The following PCMT1 variants were observed in gnomAD, a reference collection of about 807,000 sequenced individuals.
The protein encoded by PCMT1 is protein-L-isoaspartate(D-aspartate) O-methyltransferase.
A neutral mutation model predicts 29.2 loss-of-function variants in PCMT1; 9 were observed. The observed-to-expected ratio is 0.31, with a 90% CI of 0.19 to 0.54. The LOEUF (loss-of-function observed/expected upper bound fraction) is 0.54, where lower values mean the gene tolerates loss of function less well. Ranked by LOEUF, PCMT1 falls within the 20% of genes least tolerant of loss-of-function variation. The pLI, the probability that PCMT1 is intolerant of heterozygous loss-of-function variation, is 0.95. For synonymous variants in PCMT1, 98 were observed against 97.5 expected, an observed-to-expected ratio of 1.00 and a Z score of -0.03; for missense variants, 184 against 282.2, an observed-to-expected ratio of 0.65 and a Z score of 2.49.
chr6:149,774,539 T>TTC (rs1787476028), intron 3 of PCMT1, among the ~76,000 whole-genome samples: 2 of 35,218 alleles, frequency 5.7e-5, no homozygotes, highest in Admixed American at 4.6e-4. Context: ...GGGCCCAGTC[T>TTC]TTTTTTTTTT....
At chr6:149,761,381 G>A (rs1217861098) in intron 1 of PCMT1, among the ~76,000 whole-genome samples, 1 of 151,994 alleles carries the variant, frequency 6.6e-6, no homozygotes, top group East Asian at 1.9e-4. Flanking sequence ...TACAGAATAA[G>A]ATGAGCTTAT....
At chr6:149,804,862 G>T (rs552968504) in intron 7 of PCMT1, among the ~76,000 whole-genome samples, 3 of 151,892 alleles carry the variant, frequency 2.0e-5, no homozygotes, top group Non-Finnish European at 4.4e-5. Context: ...TCATAAAAAG[G>T]TTCCCCTGTT....
intron 3 of PCMT1, among the ~76,000 whole-genome samples, chr6:149,788,605 A>C (rs893763044): frequency 6.6e-6 from 1 of 152,232 alleles, no homozygotes; most frequent in Admixed American, 6.5e-5. Flanking sequence ...GTATCTTAGC[A>C]GAGGCATTTG....
chr6:149,749,784 C>T lies in PCMT1; in HGVS notation c.-118C>T, dbSNP rs1041520210. 4 of 1,550,816 alleles carry T rather than the reference C, an allele frequency of 2.6e-6. No individual in the cohort carries two copies. In the African/African-American group the frequency reaches 5.5e-5, roughly 21 times the overall value. On this transcript the variant is annotated 5_prime_UTR_variant, in exon 1 of 8. Transcript: ENST00000464889. ...GCGACGGCAGTAACAGCGGCAGCTA[C>T]AGCGGGGACGCGAGCGGGGCGGTGA...
intron 7 of PCMT1, 131 bp downstream of exon 7, chr6:149,802,547 AT>A: frequency 1.6e-6 from 2 of 1,251,790 alleles, no homozygotes; most frequent in Non-Finnish European, 2.0e-6. Flanking sequence ...GTCTGCCCTT[AT>A]TTTGGTTTAA....
chr6:149,762,932 A>ATC (rs1786876602), intron 1 of PCMT1, among the ~76,000 whole-genome samples: 3 of 58,222 alleles, frequency 5.2e-5, no homozygotes, highest in Admixed American at 3.0e-4. Flanking sequence ...TCTATGATAT[A>ATC]TATGATATAT....
intron 1 of PCMT1, among the ~76,000 whole-genome samples, chr6:149,765,289 G>A (rs1181052172): frequency 6.7e-5 from 10 of 148,848 alleles, no homozygotes; most frequent in African/African-American, 2.5e-4. Context: ...GAACCCGGGA[G>A]GTGGAGCTTG....
chr6:149,772,721 AAG>A, intron 2 of PCMT1: 1 of 395,830 alleles, frequency 2.5e-6, no homozygotes, highest in Non-Finnish European at 4.9e-6. Context: ...AAAACTAAAA[AAG>A]AATTATTGTG....
chr6:149,788,525 G>A (rs1178567848), intron 3 of PCMT1, among the ~76,000 whole-genome samples: 1 of 152,140 alleles, frequency 6.6e-6, no homozygotes, highest in East Asian at 1.9e-4. Context: ...CCTCAATTTG[G>A]GTTTGTTTGA....
intron 6 of PCMT1, among the ~76,000 whole-genome samples, chr6:149,800,427 C>T (rs970906916): frequency 2.0e-5 from 3 of 152,032 alleles, no homozygotes; most frequent in African/African-American, 7.3e-5. Flanking sequence ...CGAGATCGTG[C>T]CACTGCACTC....
At chr6:149,772,212 C>A in intron 2 of PCMT1, 1 of 389,292 alleles carries the variant, frequency 2.6e-6, no homozygotes, top group Non-Finnish European at 5.0e-6. Flanking sequence ...GCTACCACCG[C>A]TCAGTGAAAC....
chr6:149,787,886 G>A (rs1323647697), intron 3 of PCMT1, among the ~76,000 whole-genome samples: 2 of 151,620 alleles, frequency 1.3e-5, no homozygotes, highest in Admixed American at 6.6e-5. Flanking sequence ...GCTCTTTGAG[G>A]GTAAATTACA....
chr6:149,799,758 G>A (rs1045922780), intron 6 of PCMT1, among the ~76,000 whole-genome samples: 1 of 152,192 alleles, frequency 6.6e-6, no homozygotes, highest in Non-Finnish European at 1.5e-5. Context: ...GGAAGGGCCT[G>A]GATGGAAGCT....
chr6:149,790,984 C>CAACAAA (rs1788342988), intron 4 of PCMT1, among the ~76,000 whole-genome samples: 4 of 151,578 alleles, frequency 2.6e-5, no homozygotes, highest in Admixed American at 1.3e-4. Context: ...CCAGCCTGGG[C>CAACAAA]AACAACAACA....
In PCMT1 at chr6:149,810,703, A is replaced by G. The variant is rs911866703; in HGVS notation, c.*125A>G. 9 of 1,081,584 alleles carry G rather than the reference A, an allele frequency of 8.3e-6. No homozygotes were observed. Among genetic ancestry groups the G allele is most frequent in the East Asian group, 7.8e-5 (3 of 38,528 alleles). The allele number at this position is 1,081,584 out of a possible 1,614,324, so 67.0% of individuals were successfully genotyped here. A position where few individuals can be genotyped will look rare whatever the true frequency, so the allele number is the denominator to read the frequency against. On this transcript the variant is annotated 3_prime_UTR_variant, in exon 8 of 8. Transcript: ENST00000464889. ...AGTCCTCAAAGCTTTTTGAAAACCA[A>G]CACCATCACAGCTTGTTTTGGACTT...
chr6:149,806,465 G>T (rs1346301588), intron 7 of PCMT1, among the ~76,000 whole-genome samples: 1 of 152,150 alleles, frequency 6.6e-6, no homozygotes, highest in African/African-American at 2.4e-5. Flanking sequence ...GAAGTGGGTG[G>T]ATAGCTACAT....
At chr6:149,755,853 G>C (rs1351287191) in intron 1 of PCMT1, among the ~76,000 whole-genome samples, 1 of 152,200 alleles carries the variant, frequency 6.6e-6, no homozygotes, top group Non-Finnish European at 1.5e-5. Flanking sequence ...AGGACAGAGT[G>C]TGTGGGGCAG....
chr6:149,800,178 G>T (rs1775780030), intron 6 of PCMT1, among the ~76,000 whole-genome samples: 1 of 152,046 alleles, frequency 6.6e-6, no homozygotes, highest in Non-Finnish European at 1.5e-5. Flanking sequence ...CCAAAGTAAG[G>T]TTTCTGGCTG....
intron 4 of PCMT1, among the ~76,000 whole-genome samples, chr6:149,791,882 A>G (rs1788387565): frequency 6.6e-6 from 1 of 152,212 alleles, no homozygotes; most frequent in Non-Finnish European, 1.5e-5. Flanking sequence ...AATGGCATTA[A>G]TGTTTTTCAC....
Sources: gnomAD v4.1 joint callset for allele counts (sites outside exome capture counted in the v4.1 genomes callset) on GRCh38, gnomAD v4.1.1 for gene constraint, MANE v1.5 for transcripts, NCBI Gene and HGNC (gene_info 2026-07-23, HGNC 2026-07-21) for gene names.